FAM20A: variants seen among roughly 807,000 people sequenced by gnomAD.
The protein encoded by FAM20A is pseudokinase FAM20A.
In FAM20A, 42 loss-of-function variants were observed where a neutral mutation model predicts 52.0. The observed-to-expected ratio is 0.81, with a 90% CI of 0.63 to 1.04. The LOEUF (loss-of-function observed/expected upper bound fraction) is 1.04, where lower values mean the gene tolerates loss of function less well. FAM20A is among the 50% of genes least tolerant of loss of function. The pLI is 0.00. For synonymous variants in FAM20A, 304 were observed against 298.9 expected (o/e 1.02, Z -0.18); for missense variants, 742 against 712.7 (o/e 1.04, Z -0.47).
At chr17:68,553,267 G>T (rs1019245468) in intron 3 of FAM20A, among the ~76,000 whole-genome samples, 7 of 152,120 alleles carry the variant, frequency 4.6e-5, no homozygotes, top group Admixed American at 2.6e-4. Context: ...TGCCATGATT[G>T]TAAGTTTCCG....
intron 7 of FAM20A, chr17:68,541,323 A>G (rs2086282299): frequency 3.4e-6 from 1 of 298,356 alleles, no homozygotes. Context: ...TAGCACCTCC[A>G]TGGGCTGTTC....
chr17:68,594,260 G>A (rs939122825), intron 1 of FAM20A, among the ~76,000 whole-genome samples: 10 of 151,818 alleles, frequency 6.6e-5, no homozygotes, highest in African/African-American at 1.4e-4. Context: ...TTAGCTGGGC[G>A]TAGTGGCGGG....
At chr17:68,555,814 G>GT in intron 1 of FAM20A, 71 bp from the exon 2 acceptor site, 1 of 1,518,472 alleles carries the variant, frequency 6.6e-7, no homozygotes, top group Non-Finnish European at 9.1e-7. Flanking sequence ...CTTGTCTGCA[G>GT]TTTTTTATTC....
At chr17:68,580,322 T>C (rs1191600876) in intron 1 of FAM20A, among the ~76,000 whole-genome samples, 1 of 152,192 alleles carries the variant, frequency 6.6e-6, no homozygotes, top group Non-Finnish European at 1.5e-5. Flanking sequence ...AAGCAATGAC[T>C]GTACCAAGAT....
intron 1 of FAM20A, among the ~76,000 whole-genome samples, chr17:68,586,720 T>G (rs1406476646): frequency 6.6e-6 from 1 of 152,210 alleles, no homozygotes; most frequent in Non-Finnish European, 1.5e-5. Flanking sequence ...ATTTCTATCC[T>G]TTAGAACTGT....
chr17:68,542,574 G>T (rs766101285), intron 6 of FAM20A, 120 bp downstream of exon 6: 1 of 793,034 alleles, frequency 1.3e-6, no homozygotes, highest in Non-Finnish European at 2.2e-6. Context: ...AACTTCATAC[G>T]CCCATCCCAG....
At chr17:68,541,086 T>A in intron 7 of FAM20A, 128 bp from the exon 8 acceptor site, 1 of 1,432,144 alleles carries the variant, frequency 7.0e-7, no homozygotes, top group Non-Finnish European at 9.4e-7. Context: ...TGGCAGCTTC[T>A]AAAATTCAGA....
chr17:68,597,608 C>T lies in FAM20A; in HGVS notation c.404+2655G>A, dbSNP rs776980007. On this transcript the variant is annotated intron_variant, in intron 1 of 10. Transcript: ENST00000592554. The stretch of plus-strand genomic sequence containing the variant: ...CCATGTTGACCAGTTTGGTCTTGAA[C>T]GCCTGACCTCAGGTGATCTGCCTGC... Among the ~76,000 whole-genome samples the T allele has an allele frequency of 4.6e-5, 7 of 152,170 alleles. No homozygotes were observed. The South Asian group carries it at 8.3e-4, about 18-fold the overall frequency.
chr17:68,567,618 T>G (rs1255144469), intron 1 of FAM20A, among the ~76,000 whole-genome samples: 1 of 151,964 alleles, frequency 6.6e-6, no homozygotes, highest in Non-Finnish European at 1.5e-5. Flanking sequence ...CTTGGTCTAA[T>G]CCTTTGGGGA....
rs763982325 is a variant in FAM20A, at chr17:68,542,706, A to G, written c.916T>C (p.Phe306Leu). 4 of 1,613,444 alleles carry G rather than the reference A, an allele frequency of 2.5e-6. No homozygotes were observed. The highest frequency in any genetic ancestry group is 2.2e-5 in the East Asian group (1 of 44,872). Reference protein sequence around the residue: ...TKNEILQSVFFVSPASNVCFF... With the variant: ...TKNEILQSVFLVSPASNVCFF... ...GCCAGTACTCTACCTGGAGAGACAA[A>G]GAAAACACTCTGCAGGATTTCATTC... The change falls in exon 6 of 11, where the codon TTT becomes CTT. Residue 306 changes from phenylalanine to leucine, a missense_variant. Coordinates refer to ENST00000592554, the MANE Select transcript of FAM20A (RefSeq NM_017565.4).
chr17:68,552,750 C>T (rs1406552964), intron 3 of FAM20A, among the ~76,000 whole-genome samples: 3 of 97,828 alleles, frequency 3.1e-5, no homozygotes, highest in Non-Finnish European at 4.3e-5. Context: ...GGCGCAATCT[C>T]GGCTCACTGC....
intron 1 of FAM20A, among the ~76,000 whole-genome samples, chr17:68,588,832 C>T (rs2088228021): frequency 6.6e-6 from 1 of 152,220 alleles, no homozygotes; most frequent in Admixed American, 6.5e-5. Flanking sequence ...TCAGTCTATA[C>T]CAGCCTCATT....
In FAM20A at chr17:68,542,684, A is replaced by G. The variant is rs1215044545; in HGVS notation, c.928+10T>C. 8.7e-6 allele frequency: 14 copies of G among 1,601,990 alleles called. No individual in the cohort carries two copies. Among genetic ancestry groups the G allele is most frequent in the South Asian group, 4.4e-5 (4 of 90,868 alleles). ...TCAGACCCGGAATATCACTCGGGCC[A>G]GTACTCTACCTGGAGAGACAAAGAA... is the stretch of plus-strand genomic sequence containing the variant. On this transcript the variant is annotated intron_variant, in intron 6 of 10. Transcript: ENST00000592554.
intron 1 of FAM20A, among the ~76,000 whole-genome samples, chr17:68,577,589 G>A (rs1409764715): frequency 6.6e-6 from 1 of 152,232 alleles, no homozygotes; most frequent in Non-Finnish European, 1.5e-5. Context: ...GGCCCCAAAT[G>A]TCAGTAATGC....
Position 68,600,962 on chromosome 17 carries a change from T to G in FAM20A, c.-296A>C, listed in dbSNP as rs906363889. 3.0e-5 allele frequency: 8 copies of G among 266,440 alleles called. No homozygotes were observed. Among genetic ancestry groups the G allele is most frequent in the East Asian group, 1.3e-4 (2 of 15,416 alleles). 16.5% of individuals were successfully genotyped at this position (266,440 alleles called of 1,614,324 possible). ...CCCGCTTCTTGCGCCTTTTCTCCCG[T>G]GCGCCCGCCCGCCCGGACGCTCGCG... On this transcript the variant is annotated 5_prime_UTR_variant, in exon 1 of 11. Coordinates refer to ENST00000592554, the MANE Select transcript of FAM20A (RefSeq NM_017565.4). The surrounding 1 kb of genome is among the most constrained non-coding windows in gnomAD (Gnocchi z 6.2).
chr17:68,564,546 C>T (rs1196157279), intron 1 of FAM20A, among the ~76,000 whole-genome samples: 4 of 152,170 alleles, frequency 2.6e-5, no homozygotes, highest in Admixed American at 2.6e-4. Flanking sequence ...AATTTGCATG[C>T]CTTGGCATGT....
intron 5 of FAM20A, 54 bp from the exon 6 acceptor site, chr17:68,542,863 A>C: frequency 7.1e-7 from 1 of 1,412,940 alleles, no homozygotes. Context: ...AGTGAGGAGG[A>C]GGGGTTTTGT....
intron 1 of FAM20A, among the ~76,000 whole-genome samples, chr17:68,595,272 G>A (rs1859239631): frequency 6.6e-6 from 1 of 152,208 alleles, no homozygotes; most frequent in South Asian, 2.1e-4. Flanking sequence ...GAAGCAGGAA[G>A]TGCCTGTCTT....
intron 1 of FAM20A, chr17:68,575,323 G>C (rs1399145809): frequency 1.3e-5 from 2 of 148,170 alleles, no homozygotes; most frequent in African/African-American, 5.0e-5. Context: ...AAGGCAGGAG[G>C]ATTGCCTGAG....
Sources: gnomAD v4.1 joint callset for allele counts (sites outside exome capture counted in the v4.1 genomes callset) on GRCh38, gnomAD v4.1.1 for gene constraint, Gnocchi (gnomAD v3.1) non-coding constraint, MANE v1.5 for transcripts, NCBI Gene and HGNC (gene_info 2026-07-23, HGNC 2026-07-21) for gene names.